ELAVL4: variants seen among roughly 807,000 people sequenced by gnomAD.
The protein encoded by ELAVL4 is ELAV like RNA binding protein 4.
Under a neutral mutation model 35.6 loss-of-function variants are expected in ELAVL4, and 1 was observed. The ratio of observed to expected loss-of-function variants is 0.03; its 90% confidence interval spans 0.01 to 0.13. The LOEUF (loss-of-function observed/expected upper bound fraction) is 0.13. Among genes scored for constraint, ELAVL4 ranks in the 10% least tolerant of loss-of-function variants. The pLI is 1.00. For synonymous variants in ELAVL4, 156 were observed against 171.0 expected, an observed-to-expected ratio of 0.91 and a Z score of 0.69; for missense variants, 267 against 464.9, an observed-to-expected ratio of 0.57 and a Z score of 3.91.
intron 1 of ELAVL4, among the ~76,000 whole-genome samples, chr1:50,126,725 C>T (rs1172335989): frequency 6.6e-6 from 1 of 152,056 alleles, no homozygotes; most frequent in African/African-American, 2.4e-5. Flanking sequence ...GAAAAAAGCA[C>T]AGTTTATTCT....
chr1:50,119,096 A>G (rs368604995), intron 1 of ELAVL4, among the ~76,000 whole-genome samples: 4 of 143,388 alleles, frequency 2.8e-5, no homozygotes, highest in Non-Finnish European at 4.6e-5. Context: ...AAGAAAGAAA[A>G]AGAAAAAGAT....
chr1:50,074,762 G>A (rs772356156), intron 1 of ELAVL4, among the ~76,000 whole-genome samples: 3 of 152,152 alleles, frequency 2.0e-5, no homozygotes, highest in Non-Finnish European at 4.4e-5. Context: ...GGGGACAGTG[G>A]ATCAGTCTGG....
intron 1 of ELAVL4, among the ~76,000 whole-genome samples, chr1:50,113,431 G>C (rs1667418248): frequency 6.6e-6 from 1 of 152,024 alleles, no homozygotes; most frequent in Non-Finnish European, 1.5e-5. Context: ...TGTCTTCATA[G>C]AGGTCATCAT....
intron 1 of ELAVL4, among the ~76,000 whole-genome samples, chr1:50,138,202 T>G (rs1672211953): frequency 1.3e-5 from 2 of 152,132 alleles, no homozygotes; most frequent in African/African-American, 4.8e-5. Flanking sequence ...ATTCTAAACT[T>G]TCCTATCAAG....
intron 1 of ELAVL4, among the ~76,000 whole-genome samples, chr1:50,079,503 A>G (rs1444632157): frequency 6.6e-6 from 1 of 152,196 alleles, no homozygotes; most frequent in Non-Finnish European, 1.5e-5. Flanking sequence ...TTTATACCCT[A>G]TGTTGATCAC....
At chr1:50,151,548 C>T (rs1674788865) in intron 2 of ELAVL4, among the ~76,000 whole-genome samples, 1 of 152,112 alleles carries the variant, frequency 6.6e-6, no homozygotes, top group Non-Finnish European at 1.5e-5. Flanking sequence ...CTCATTTAGG[C>T]ATATCCAAGA....
intron 6 of ELAVL4, among the ~76,000 whole-genome samples, chr1:50,199,590 C>G (rs1644276969): frequency 6.6e-6 from 1 of 152,122 alleles, no homozygotes. Flanking sequence ...TGCCTGTAGT[C>G]TCAGCTACTC....
At position 50,109,016 on chromosome 1, in the gene ELAVL4, C is replaced by CGGGGGGGGGGCG; in HGVS notation, c.-174_-173insGGGGGGGGGGCG. The CGGGGGGGGGGCG allele has an allele frequency of 1.2e-5, 11 of 905,366 alleles. No homozygotes were observed. The highest frequency in any genetic ancestry group is 1.4e-5 in the Non-Finnish European group (11 of 761,034). 56.1% of individuals were successfully genotyped at this position (905,366 alleles called of 1,614,324 possible). ...CTCCTTTTCTTTTTTTTCTTTCTCT[C>CGGGGGGGGGGCG]CCCCGCCCACCCCCCCAAAAATAAT... On this transcript the variant is annotated 5_prime_UTR_variant, in exon 1 of 7. Transcript: ENST00000371824.
chr1:50,155,666 T>C lies in ELAVL4; in HGVS notation c.250+10469T>C, dbSNP rs545605405. Among the ~76,000 whole-genome samples, 352 of 152,206 alleles carry C rather than the reference T, an allele frequency of 2.3e-3. 1 individual carries two copies. The highest frequency in any genetic ancestry group is 7.3e-3 in the African/African-American group (304 of 41,528). ...TACTGAAGTATTACTGCTTTCTGAG[T>C]CACTTCAGTCTTTCCTCTCCCTTCA... is the stretch of plus-strand genomic sequence containing the variant. On this transcript the variant is annotated intron_variant, in intron 2 of 6. Coordinates refer to ENST00000371824, the MANE Select transcript of ELAVL4 (RefSeq NM_001144774.3).
chr1:50,153,263 A>T (rs1223693121), intron 2 of ELAVL4, among the ~76,000 whole-genome samples: 2 of 152,192 alleles, frequency 1.3e-5, no homozygotes, highest in African/African-American at 4.8e-5. Context: ...GTGAAAAAGG[A>T]TTCATAATGA....
At chr1:50,199,827 T>G (rs1644294647) in intron 6 of ELAVL4, among the ~76,000 whole-genome samples, 1 of 152,226 alleles carries the variant, frequency 6.6e-6, no homozygotes, top group Non-Finnish European at 1.5e-5. Context: ...CCTAATTGTT[T>G]CATCTGGTAC....
At chr1:50,094,436 G>T (rs889365259) in intron 1 of ELAVL4, among the ~76,000 whole-genome samples, 2 of 152,160 alleles carry the variant, frequency 1.3e-5, no homozygotes, top group Admixed American at 1.3e-4. Context: ...AGGTTACTGT[G>T]GCTGGTAGAT....
At chr1:50,062,943 C>A (rs1477699571) in intron 1 of ELAVL4, among the ~76,000 whole-genome samples, 2 of 152,186 alleles carry the variant, frequency 1.3e-5, no homozygotes, top group African/African-American at 4.8e-5. Context: ...CTAGTACTCT[C>A]ATGTGTCAGG....
At chr1:50,109,819 C>A in intron 1 of ELAVL4, 1 of 1,227,526 alleles carries the variant, frequency 8.1e-7, no homozygotes, top group Non-Finnish European at 1.2e-6. Context: ...CAGTGCCTGG[C>A]GTGTTGAGTT....
chr1:50,108,817 T>C (rs561143624), upstream of ELAVL4: 9 of 655,202 alleles, frequency 1.4e-5, no homozygotes, highest in South Asian at 4.6e-4. Flanking sequence ...CTAATTTAAA[T>C]AGCACCTGAT....
At chr1:50,058,697 T>C (rs955828864) in intron 1 of ELAVL4, among the ~76,000 whole-genome samples, 3 of 151,514 alleles carry the variant, frequency 2.0e-5, no homozygotes, top group Non-Finnish European at 4.4e-5. Flanking sequence ...TACTGCAGCC[T>C]CCACCCCCCA....
rs766918636 is a variant in ELAVL4, at chr1:50,201,112, C to T, written c.1035C>T (p.Asn345=). Residue 345 remains asparagine, a synonymous_variant, in exon 7 of 7, where the codon AAC becomes AAT. Coordinates refer to ENST00000371824, the MANE Select transcript of ELAVL4 (RefSeq NM_001144774.3). This position sits in a 1 kb window ranked among gnomAD's most constrained non-coding sequence, Gnocchi z 4.3. The part of the protein sequence containing the change: ...DEAAMAIASL[N]GYRLGDRVLQ... ...CGGCCATGGCCATCGCCAGCCTCAACGGGTACCGCCTGGGAGACAGAGTGT... is the reference window on the plus strand; with the variant it reads ...CGGCCATGGCCATCGCCAGCCTCAATGGGTACCGCCTGGGAGACAGAGTGT... The T allele has an allele frequency of 1.2e-5, 19 of 1,613,682 alleles. No homozygotes were observed. The highest frequency in any genetic ancestry group is 1.6e-4 in the Middle Eastern group (1 of 6,078).
rs1403236061 is a variant in ELAVL4 at position 50,144,203 on chromosome 1, TTTAA to T, written c.10-749_10-746del. On this transcript the variant is annotated intron_variant, in intron 1 of 6. Coordinates refer to ENST00000371824, the MANE Select transcript of ELAVL4 (RefSeq NM_001144774.3). ...CATTCACACCAGCCAGAAATCTTTG[TTTAA>T]TTAAATATTTTAATCAAGAGAAAGT... Among the ~76,000 whole-genome samples, 14 of 152,286 alleles carry T rather than the reference TTTAA, an allele frequency of 9.2e-5. No individual in the cohort carries two copies. The East Asian group carries it at 2.7e-3, about 29-fold the overall frequency.
upstream of ELAVL4, among the ~76,000 whole-genome samples, chr1:50,103,323 G>A (rs547012983): frequency 2.0e-5 from 3 of 152,090 alleles, no homozygotes; most frequent in Admixed American, 1.3e-4. Flanking sequence ...GAGAACATTC[G>A]ACAGTGAATT....
Sources: allele counts gnomAD v4.1 joint callset (sites outside exome capture counted in the v4.1 genomes callset), GRCh38; gene constraint gnomAD v4.1.1; non-coding constraint Gnocchi (gnomAD v3.1); transcripts MANE v1.5; gene names NCBI Gene and HGNC (gene_info 2026-07-23, HGNC 2026-07-21).